The following CSMD3 variants were observed in gnomAD, a reference collection of about 807,000 sequenced individuals.
The protein encoded by CSMD3 is CUB and sushi domain-containing protein 3.
CSMD3 carries 177 observed loss-of-function variants against 435.2 expected under a neutral mutation model. The ratio of observed to expected loss-of-function variants is 0.41; its 90% CI spans 0.36 to 0.46. The LOEUF is 0.46. Ranked by LOEUF, CSMD3 falls within the 20% of genes least tolerant of loss-of-function variation. The pLI, the probability that CSMD3 is intolerant of heterozygous loss-of-function variation, is 0.34. For missense variants in CSMD3, 4,265 were observed against 4,504.6 expected, an observed-to-expected ratio of 0.95 and a Z score of 1.52; for synonymous variants, 1,656 against 1,520.5, an observed-to-expected ratio of 1.09 and a Z score of -2.07.
At chr8:112,476,800 C>T (rs1313148921) in intron 31 of CSMD3, among the ~76,000 whole-genome samples, 2 of 152,170 alleles carry the variant, frequency 1.3e-5, no homozygotes, top group Admixed American at 6.5e-5. Flanking sequence ...ATTTGTTGCT[C>T]ATAACCTTAT....
chr8:112,742,411 T>A (rs1226338226), intron 13 of CSMD3, among the ~76,000 whole-genome samples: 2 of 151,928 alleles, frequency 1.3e-5, no homozygotes, highest in African/African-American at 4.8e-5. Flanking sequence ...AGTTAGAAAA[T>A]CTGTTTTTAA....
At chr8:113,047,189 C>T (rs1434545426) in intron 5 of CSMD3, among the ~76,000 whole-genome samples, 3 of 152,304 alleles carry the variant, frequency 2.0e-5, no homozygotes, top group Middle Eastern at 3.4e-3. Context: ...CCCATTAACA[C>T]TTACCACTTT....
intron 4 of CSMD3, among the ~76,000 whole-genome samples, chr8:113,138,243 C>T (rs539972166): frequency 2.6e-5 from 4 of 151,424 alleles, no homozygotes; most frequent in Admixed American, 2.0e-4. Flanking sequence ...TAATTGTGGA[C>T]ATGTATAGTT....
chr8:112,277,168 A>T (rs118115730), intron 59 of CSMD3, among the ~76,000 whole-genome samples: 4,083 of 152,152 alleles, frequency 0.027, 86 homozygotes, highest in Non-Finnish European at 0.043. Flanking sequence ...CAGGCTGCAA[A>T]TTTTCTGAAC....
intron 27 of CSMD3, among the ~76,000 whole-genome samples, chr8:112,537,189 AG>A (rs1826194417): frequency 6.6e-6 from 1 of 151,944 alleles, no homozygotes; most frequent in Non-Finnish European, 1.5e-5. Context: ...ATAAAAAAAA[AG>A]ATTTCTTGAA....
chr8:113,046,096 G>A (rs1035758401), intron 5 of CSMD3, among the ~76,000 whole-genome samples: 3 of 149,032 alleles, frequency 2.0e-5, no homozygotes, highest in African/African-American at 7.3e-5. Context: ...GTGGTCTATC[G>A]GGAAGTACCC....
chr8:113,235,828 T>C (rs1214450506), intron 3 of CSMD3, among the ~76,000 whole-genome samples: 2 of 151,648 alleles, frequency 1.3e-5, no homozygotes, highest in East Asian at 1.9e-4. Flanking sequence ...TGCACCCTCA[T>C]GCATGACCAC....
chr8:113,078,989 TA>T (rs571175228), intron 5 of CSMD3, among the ~76,000 whole-genome samples: 1 of 151,922 alleles, frequency 6.6e-6, no homozygotes, highest in African/African-American at 2.4e-5. Context: ...AACACCTGTT[TA>T]AAAAAAAGAT....
intron 60 of CSMD3, 88 bp downstream of exon 60, chr8:112,265,323 T>A (rs1379944060): frequency 1.1e-6 from 1 of 909,544 alleles, no homozygotes; most frequent in Non-Finnish European, 1.6e-6. Context: ...TAAAAAATTT[T>A]ATTTAAGTAT....
intron 7 of CSMD3, among the ~76,000 whole-genome samples, chr8:112,968,622 C>T (rs2084517870): frequency 6.6e-6 from 1 of 151,914 alleles, no homozygotes; most frequent in Non-Finnish European, 1.5e-5. Flanking sequence ...ACAGTTTTAC[C>T]TCATCCTTCC....
At chr8:112,378,968 A>T (rs1048619238) in intron 38 of CSMD3, among the ~76,000 whole-genome samples, 4 of 152,220 alleles carry the variant, frequency 2.6e-5, no homozygotes, top group African/African-American at 7.2e-5. Context: ...ATTCCATTAA[A>T]AAAAACTGTT....
rs1455108081 is a variant in CSMD3, at chr8:113,277,362, A to T, written c.514+1230T>A. Reference sequence around the variant, plus strand: ...TTGCTACACAAAAGACAGTTCAGAAAAGTATTAGGTAGAAAATAATGTTCA... The same window carrying T: ...TTGCTACACAAAAGACAGTTCAGAATAGTATTAGGTAGAAAATAATGTTCA... On this transcript the variant is annotated intron_variant, in intron 3 of 70. Coordinates refer to ENST00000297405, the MANE Select transcript of CSMD3 (RefSeq NM_198123.2). 2.0e-5 allele frequency among the ~76,000 whole-genome samples: 3 copies of T among 152,058 alleles called. No individual in the cohort carries two copies. The East Asian group carries it at 5.8e-4, about 29-fold the overall frequency.
intron 35 of CSMD3, among the ~76,000 whole-genome samples, chr8:112,402,992 G>C (rs1372518825): frequency 6.6e-6 from 1 of 152,118 alleles, no homozygotes; most frequent in Admixed American, 6.6e-5. Context: ...GTCTTTATGA[G>C]AGTGCAAGTA....
intron 41 of CSMD3, among the ~76,000 whole-genome samples, chr8:112,344,449 A>G (rs1297216642): frequency 6.6e-6 from 1 of 152,218 alleles, no homozygotes; most frequent in African/African-American, 2.4e-5. Context: ...TGTCAAAACT[A>G]TGAGTTATCT....
chr8:112,579,735 C>T (rs1161381505), intron 23 of CSMD3, among the ~76,000 whole-genome samples: 1 of 151,970 alleles, frequency 6.6e-6, no homozygotes, highest in Non-Finnish European at 1.5e-5. Flanking sequence ...GAAAATAATA[C>T]ACTTTAGAAA....
At chr8:112,590,011 TAAA>T (rs1453949586) in intron 22 of CSMD3, among the ~76,000 whole-genome samples, 1 of 152,108 alleles carries the variant, frequency 6.6e-6, no homozygotes, top group Non-Finnish European at 1.5e-5. Context: ...TATGTTACAA[TAAA>T]AAAGCTACAA....
chr8:113,329,241 A>C (rs924545105), intron 1 of CSMD3, among the ~76,000 whole-genome samples: 3 of 151,614 alleles, frequency 2.0e-5, no homozygotes, highest in Non-Finnish European at 2.9e-5. Flanking sequence ...ATAAGGAATT[A>C]ACTGAAAATG....
At chr8:112,718,859 T>G (rs554016560) in intron 13 of CSMD3, among the ~76,000 whole-genome samples, 41 of 152,198 alleles carry the variant, frequency 2.7e-4, no homozygotes, top group African/African-American at 9.4e-4. Context: ...ACACAGTGCC[T>G]GGGACATAGT....
chr8:112,665,634 AT>A (rs2075503020), intron 17 of CSMD3, among the ~76,000 whole-genome samples: 1 of 152,168 alleles, frequency 6.6e-6, no homozygotes, highest in Non-Finnish European at 1.5e-5. Flanking sequence ...AGAGAAGTCA[AT>A]GATATAACTG....
Sources: allele counts gnomAD v4.1 joint callset (sites outside exome capture counted in the v4.1 genomes callset), GRCh38; gene constraint gnomAD v4.1.1; transcripts MANE v1.5; gene names NCBI Gene and HGNC (gene_info 2026-07-23, HGNC 2026-07-21).